The following MACROD2 variants were observed in gnomAD, a reference collection of about 807,000 sequenced individuals.
The protein encoded by MACROD2 is ADP-ribose glycohydrolase MACROD2.
MACROD2 carries 36 observed loss-of-function variants against 70.4 expected under a neutral mutation model. That is an observed-to-expected ratio of 0.51 (90% CI 0.39 to 0.68). MACROD2 has a LOEUF of 0.68. MACROD2 is among the 30% of genes least tolerant of loss of function. The probability of loss-of-function intolerance (pLI) is 0.00; values close to 1 mark genes in which losing one functional copy is unlikely to be tolerated. For missense variants in MACROD2, 496 were observed against 538.4 expected, an observed-to-expected ratio of 0.92 and a Z score of 0.78; for synonymous variants, 172 against 178.8, an observed-to-expected ratio of 0.96 and a Z score of 0.30.
intron 3 of MACROD2, among the ~76,000 whole-genome samples, chr20:14,322,674 A>G (rs911157951): frequency 6.6e-6 from 1 of 152,158 alleles, no homozygotes; most frequent in Admixed American, 6.6e-5. Context: ...AATTAATAAG[A>G]TTTCATAGTC....
intron 8 of MACROD2, among the ~76,000 whole-genome samples, chr20:15,709,816 C>G (rs1419234114): frequency 6.6e-6 from 1 of 152,144 alleles, no homozygotes; most frequent in Admixed American, 6.5e-5. Flanking sequence ...TCTCTTCTAG[C>G]TATTTGAAAA....
chr20:14,209,186 T>G (rs2081550172), intron 3 of MACROD2, among the ~76,000 whole-genome samples: 1 of 152,236 alleles, frequency 6.6e-6, no homozygotes, highest in South Asian at 2.1e-4. Flanking sequence ...CTTCCCAAAT[T>G]ATAGCTTACT....
chr20:14,325,588 C>T (rs771968328), intron 3 of MACROD2: 2 of 1,612,640 alleles, frequency 1.2e-6, no homozygotes, highest in South Asian at 2.2e-5. Context: ...GTCTGGAATA[C>T]CACTGTCTCT....
intron 3 of MACROD2, among the ~76,000 whole-genome samples, chr20:14,375,469 C>T (rs1568583745): frequency 6.6e-6 from 1 of 152,242 alleles, no homozygotes; most frequent in East Asian, 1.9e-4. Flanking sequence ...TTTAAGCTTG[C>T]TGGAGCATTT....
chr20:15,017,136 G>A (rs1317187727), intron 5 of MACROD2, among the ~76,000 whole-genome samples: 1 of 152,144 alleles, frequency 6.6e-6, no homozygotes, highest in African/African-American at 2.4e-5. Context: ...AGTCCCTTCT[G>A]CCTATGAGCC....
At chr20:15,530,384 A>T (rs1228116219) in intron 8 of MACROD2, among the ~76,000 whole-genome samples, 1 of 152,206 alleles carries the variant, frequency 6.6e-6, no homozygotes, top group Admixed American at 6.5e-5. Flanking sequence ...TTTCAGTAGC[A>T]TGATTATTGA....
chr20:14,790,912 G>A (rs1036628366), intron 5 of MACROD2, among the ~76,000 whole-genome samples: 1 of 152,010 alleles, frequency 6.6e-6, no homozygotes, highest in Non-Finnish European at 1.5e-5. Context: ...GCGAGCTCTG[G>A]GGGTGCCAGA....
At chr20:14,649,451 G>C (rs764295979) in intron 4 of MACROD2, among the ~76,000 whole-genome samples, 1 of 152,116 alleles carries the variant, frequency 6.6e-6, no homozygotes, top group Non-Finnish European at 1.5e-5. Context: ...ACAATCATCT[G>C]GACTAAGTCA....
chr20:15,312,706 G>A (rs569274597), intron 6 of MACROD2, among the ~76,000 whole-genome samples: 1 of 152,276 alleles, frequency 6.6e-6, no homozygotes, highest in South Asian at 2.1e-4. Flanking sequence ...AGGAACAGCA[G>A]TTGCCTATCA....
intron 5 of MACROD2, among the ~76,000 whole-genome samples, chr20:15,091,913 C>A (rs1247142985): frequency 6.6e-6 from 1 of 152,042 alleles, no homozygotes; most frequent in African/African-American, 2.4e-5. Flanking sequence ...TCATAAGTGT[C>A]AATTCAGTGC....
intron 5 of MACROD2, among the ~76,000 whole-genome samples, chr20:14,787,903 T>G (rs2072394497): frequency 6.6e-6 from 1 of 152,100 alleles, no homozygotes; most frequent in South Asian, 2.1e-4. Flanking sequence ...AAGCACTTGA[T>G]TGGGAATAAG....
intron 5 of MACROD2, among the ~76,000 whole-genome samples, chr20:14,760,171 A>G (rs16994913): frequency 0.014 from 2,072 of 152,176 alleles, 59 homozygotes; most frequent in African/African-American, 0.046. Context: ...ATGAAGGGAT[A>G]TGGATCACAC....
At position 14,758,945 on chromosome 20, in the gene MACROD2, T is replaced by G. The variant is rs544225578; in HGVS notation, c.418+73986T>G. ...CTTATAATTGCAGTATTTCATGGCA[T>G]GTATCTCTGTATGAATCCACCTATG... On this transcript the variant is annotated intron_variant, in intron 5 of 17. Coordinates refer to ENST00000684519, the MANE Select transcript of MACROD2 (RefSeq NM_001351661.2). Among the ~76,000 whole-genome samples, 4 of 152,220 alleles carry G rather than the reference T, an allele frequency of 2.6e-5. No individual in the cohort carries two copies. In the South Asian group the frequency reaches 6.2e-4, roughly 24 times the overall value.
chr20:15,028,247 G>A lies in MACROD2; in HGVS notation c.419-201693G>A, dbSNP rs1040758564. ...GGGCCTGAAAACCTAGAGCCAAGGG[G>A]TGGACCTGGGCTCAGGATAGGCAAG... On this transcript the variant is annotated intron_variant, in intron 5 of 17. Transcript: ENST00000684519. Among the ~76,000 whole-genome samples the A allele has an allele frequency of 1.3e-5, 2 of 152,182 alleles. 1 individual carries two copies. Among genetic ancestry groups the A allele is most frequent in the Admixed American group, 1.3e-4 (2 of 15,278 alleles).
intron 5 of MACROD2, among the ~76,000 whole-genome samples, chr20:15,174,922 T>C (rs1212941462): frequency 6.6e-6 from 1 of 152,156 alleles, no homozygotes; most frequent in African/African-American, 2.4e-5. Context: ...GTCAGATGAG[T>C]AGGTTGTGAA....
chr20:15,461,006 A>ATATATATATATTTTT lies in MACROD2; in HGVS notation c.571+29572_571+29573insATATATATATTTTTT. On this transcript the variant is annotated intron_variant, in intron 7 of 17. Transcript: ENST00000684519. Reference sequence around the variant, plus strand: ...TATATATATATATATATATATATATATTTTTTTTTAATAGATGGGGTCTTG... The same window carrying ATATATATATATTTTT: ...TATATATATATATATATATATATATATATATATATATTTTTTTTTTTTTTAATAGATGGGGTCTTG... 1.3e-3 allele frequency among the ~76,000 whole-genome samples: 89 copies of ATATATATATATTTTT among 66,970 alleles called. 3 individuals carry two copies. The highest frequency in any genetic ancestry group is 4.1e-3 in the South Asian group (6 of 1,470). The allele number at this position is 66,970 out of a possible 152,430, so 43.9% of individuals were successfully genotyped here.
intron 3 of MACROD2, among the ~76,000 whole-genome samples, chr20:14,242,029 T>C (rs1036372578): frequency 2.6e-5 from 4 of 152,056 alleles, no homozygotes; most frequent in African/African-American, 9.7e-5. Flanking sequence ...AATGAGAAAA[T>C]GCACAGTGAT....
At chr20:14,990,894 GCCC>G (rs2074897509) in intron 5 of MACROD2, among the ~76,000 whole-genome samples, 1 of 152,118 alleles carries the variant, frequency 6.6e-6, no homozygotes, top group Non-Finnish European at 1.5e-5. Context: ...CTGGGGGAAG[GCCC>G]CCTGAAAGTT....
intron 5 of MACROD2, among the ~76,000 whole-genome samples, chr20:15,177,679 C>G (rs189722240): frequency 6.6e-6 from 1 of 152,160 alleles, no homozygotes; most frequent in Non-Finnish European, 1.5e-5. Flanking sequence ...TAAATAAATG[C>G]ACCTGTACAA....
Sources: gnomAD v4.1 joint callset for allele counts (sites outside exome capture counted in the v4.1 genomes callset) on GRCh38, gnomAD v4.1.1 for gene constraint, MANE v1.5 for transcripts, NCBI Gene and HGNC (gene_info 2026-07-23, HGNC 2026-07-21) for gene names.